Variants in OR3A2 observed in about 807,000 individuals in gnomAD.
OR3A2 encodes olfactory receptor 3A2.
For missense variants in OR3A2, 318 were observed against 392.8 expected (o/e 0.81, Z 1.61); for synonymous variants, 126 against 159.3 (o/e 0.79, Z 1.57).
exon 2 of OR3A2, chr17:3,278,460 G>T (rs770233974): frequency 6.2e-7 from 1 of 1,614,236 alleles, no homozygotes; most frequent in Non-Finnish European, 8.5e-7. Flanking sequence ...GAAGGCACAA[G>T]CCAAGGACGC....
chr17:3,310,646 G>T, intron 3 of OR3A2: 1 of 542,444 alleles, frequency 1.8e-6, no homozygotes, highest in South Asian at 1.4e-5. Flanking sequence ...TCCTGGCTGG[G>T]GCAGACTGCT....
chr17:3,369,608 C>T lies in OR3A2; in HGVS notation c.-179+14196G>A, dbSNP rs114862591. Among the ~76,000 whole-genome samples, 1,361 of 152,072 alleles carry T rather than the reference C, an allele frequency of 8.9e-3. 24 individuals are homozygous for T. Among genetic ancestry groups the T allele is most frequent in the African/African-American group, 0.031 (1,276 of 41,476 alleles). ...ACTTGATCTTCGTATATTATATTTT[C>T]GATATGCTGTTGGATTCAGTTAGCT... On this transcript the variant is annotated intron_variant, in intron 2 of 4. Coordinates refer to the OR3A2 transcript ENST00000573491.
intron 2 of OR3A2, among the ~76,000 whole-genome samples, chr17:3,369,521 T>C (rs1597361598): frequency 6.6e-6 from 1 of 152,228 alleles, no homozygotes; most frequent in Non-Finnish European, 1.5e-5. Flanking sequence ...ATTGTTTACA[T>C]GGTGTATTCA....
chr17:3,368,458 G>A (rs1324688735), intron 2 of OR3A2, among the ~76,000 whole-genome samples: 1 of 152,110 alleles, frequency 6.6e-6, no homozygotes, highest in Non-Finnish European at 1.5e-5. Context: ...CGTGTAGCTT[G>A]CCAATTATGC....
intron 3 of OR3A2, among the ~76,000 whole-genome samples, chr17:3,332,754 C>T (rs760425983): frequency 2.6e-5 from 4 of 152,144 alleles, no homozygotes; most frequent in East Asian, 1.9e-4. Context: ...CTGCAATCTC[C>T]GAACATAAAT....
chr17:3,306,938 C>A (rs1013849109), intron 3 of OR3A2, among the ~76,000 whole-genome samples: 1 of 152,200 alleles, frequency 6.6e-6, no homozygotes, highest in Non-Finnish European at 1.5e-5. Context: ...TTTTCCACAA[C>A]AAGGCATGTG....
intron 2 of OR3A2, among the ~76,000 whole-genome samples, chr17:3,372,203 C>T (rs1349110055): frequency 1.8e-4 from 27 of 148,846 alleles, no homozygotes; most frequent in Non-Finnish European, 3.1e-4. Flanking sequence ...GGGGCAGAGG[C>T]GCTCCCCACA....
intron 2 of OR3A2, among the ~76,000 whole-genome samples, chr17:3,341,114 G>A (rs775816831): frequency 1.3e-5 from 2 of 152,048 alleles, no homozygotes; most frequent in Admixed American, 6.5e-5. Context: ...CTTTCCATTT[G>A]CTTGGTAGAT....
intron 3 of OR3A2, among the ~76,000 whole-genome samples, chr17:3,293,452 A>T (rs1276746869): frequency 6.6e-6 from 1 of 152,220 alleles, no homozygotes; most frequent in Non-Finnish European, 1.5e-5. Context: ...ATTCTGAATC[A>T]CAAGGTAGGT....
At chr17:3,312,450 C>G (rs1265537849) in intron 3 of OR3A2, among the ~76,000 whole-genome samples, 1 of 152,116 alleles carries the variant, frequency 6.6e-6, no homozygotes, top group Non-Finnish European at 1.5e-5. Flanking sequence ...AGAGCAACAT[C>G]ATCAAACACC....
At chr17:3,285,335 G>A (rs1204593472), upstream of OR3A2, among the ~76,000 whole-genome samples, 1 of 152,112 alleles carries the variant, frequency 6.6e-6, no homozygotes, top group Non-Finnish European at 1.5e-5. Context: ...GATTATTAGT[G>A]GTTTGACTTT....
intron 2 of OR3A2, among the ~76,000 whole-genome samples, chr17:3,360,518 A>G (rs368673425): frequency 1.3e-5 from 2 of 151,574 alleles, no homozygotes; most frequent in African/African-American, 4.9e-5. Flanking sequence ...ATGGTATTGC[A>G]TAGGTTTTCT....
At chr17:3,386,179 G>C (rs2049775055) in exon 1 of OR3A2, 1 of 398,856 alleles carries the variant, frequency 2.5e-6, no homozygotes, top group Non-Finnish European at 4.4e-6. Flanking sequence ...GCTGCTGGCC[G>C]GCCTGCTCCA....
At chr17:3,310,230 T>C (rs540189759) in intron 3 of OR3A2, 4 of 459,628 alleles carry the variant, frequency 8.7e-6, no homozygotes, top group East Asian at 5.6e-5. Context: ...TCATTGATGA[T>C]TGTTATCAAC....
intron 3 of OR3A2, among the ~76,000 whole-genome samples, chr17:3,289,711 CAG>C (rs1225454897): frequency 2.0e-5 from 3 of 152,142 alleles, no homozygotes; most frequent in Admixed American, 2.0e-4. Flanking sequence ...TGGTCAAGAA[CAG>C]ACCCAGAGGA....
rs760373099 is a variant in OR3A2 at position 3,291,692 on chromosome 17, GT to G, written c.-84-12540del. ...TCCAGATGGCACTCTGCACATCAGG[GT>G]TTCTGAAGCTGTAGATGATTGGGTT... On this transcript the variant is annotated intron_variant, in intron 3 of 4. Transcript: ENST00000573491. 4 of 1,611,216 alleles carry G rather than the reference GT, an allele frequency of 2.5e-6. No individual in the cohort carries two copies. In the African/African-American group the frequency reaches 5.3e-5, roughly 22 times the overall value.
intron 2 of OR3A2, among the ~76,000 whole-genome samples, chr17:3,379,869 T>A (rs1163660930): frequency 6.6e-6 from 1 of 152,120 alleles, no homozygotes; most frequent in African/African-American, 2.4e-5. Flanking sequence ...CTGAGAGGCA[T>A]CTACCTCAGT....
intron 2 of OR3A2, among the ~76,000 whole-genome samples, chr17:3,346,675 G>A (rs762472681): frequency 5.4e-5 from 8 of 148,968 alleles, no homozygotes; most frequent in South Asian, 4.2e-4. Flanking sequence ...TTATCCATCC[G>A]CACCTCTCCA....
At chr17:3,321,028 AT>A (rs1485349818) in intron 3 of OR3A2, among the ~76,000 whole-genome samples, 1 of 152,100 alleles carries the variant, frequency 6.6e-6, no homozygotes, top group African/African-American at 2.4e-5. Flanking sequence ...ATGTGTTTCC[AT>A]TTCTTTGTAT....
Sources: allele counts gnomAD v4.1 joint callset (sites outside exome capture counted in the v4.1 genomes callset), GRCh38; gene constraint gnomAD v4.1.1; transcripts MANE v1.5; gene names NCBI Gene and HGNC (gene_info 2026-07-23, HGNC 2026-07-21).